Variants in ABLIM1 observed in about 807,000 individuals in gnomAD.
ABLIM1 encodes the protein actin binding LIM protein 1.
ABLIM1 carries 40 observed loss-of-function variants against 107.0 expected under a neutral mutation model. That is an observed-to-expected ratio of 0.37 (90% confidence interval 0.29 to 0.49). The LOEUF (loss-of-function observed/expected upper bound fraction) is 0.49. ABLIM1 is among the 20% of genes least tolerant of loss of function. The pLI is 0.97. For missense variants in ABLIM1, 857 were observed against 1,008.5 expected (o/e 0.85, Z 2.04); for synonymous variants, 357 against 357.3 (o/e 1.00, Z 0.01).
intron 1 of ABLIM1, among the ~76,000 whole-genome samples, chr10:114,620,537 G>A (rs1334688488): frequency 6.6e-6 from 1 of 152,060 alleles, no homozygotes; most frequent in Non-Finnish European, 1.5e-5. Flanking sequence ...AGCCTCCCGA[G>A]TAGCTGGAAT....
intron 6 of ABLIM1, among the ~76,000 whole-genome samples, chr10:114,494,649 C>T (rs1267385969): frequency 6.6e-6 from 1 of 152,198 alleles, no homozygotes; most frequent in African/African-American, 2.4e-5. Context: ...CTGATGTAAA[C>T]TCATATGTAC....
chr10:114,713,605 C>T (rs1047520154), intron 1 of ABLIM1, among the ~76,000 whole-genome samples: 1 of 152,174 alleles, frequency 6.6e-6, no homozygotes, highest in South Asian at 2.1e-4. Context: ...GAAAGCATAA[C>T]ATTTTCATTT....
intron 6 of ABLIM1, among the ~76,000 whole-genome samples, chr10:114,539,256 G>A (rs2066368524): frequency 6.6e-6 from 1 of 152,162 alleles, no homozygotes; most frequent in African/African-American, 2.4e-5. Flanking sequence ...TACTTAGGAG[G>A]GTGAGACAGG....
At chr10:114,632,881 G>T in intron 1 of ABLIM1, 1 of 689,872 alleles carries the variant, frequency 1.4e-6, no homozygotes, top group Non-Finnish European at 1.8e-6. Flanking sequence ...TGACCCCACA[G>T]CAGCAACTCC....
chr10:114,472,037 C>G (rs1050018354), intron 10 of ABLIM1, among the ~76,000 whole-genome samples: 3 of 151,680 alleles, frequency 2.0e-5, no homozygotes, highest in Non-Finnish European at 2.9e-5. Context: ...AGGCTCTGGT[C>G]CCGCAGCAGA....
chr10:114,543,947 C>A (rs2067002025), intron 6 of ABLIM1, among the ~76,000 whole-genome samples: 1 of 152,232 alleles, frequency 6.6e-6, no homozygotes, highest in Non-Finnish European at 1.5e-5. Context: ...AGCACACATC[C>A]AATGCTGGCC....
chr10:114,556,651 C>T (rs182212567), intron 4 of ABLIM1, among the ~76,000 whole-genome samples: 3 of 152,296 alleles, frequency 2.0e-5, no homozygotes. Context: ...CTCTCCTTGA[C>T]CAAAAAGTCC....
intron 20 of ABLIM1, 45 bp downstream of exon 20, chr10:114,440,037 G>A: frequency 6.2e-7 from 1 of 1,613,616 alleles, no homozygotes. Context: ...GAACATGGCT[G>A]TTCTATCGGT....
chr10:114,607,544 A>G (rs1591555275), intron 1 of ABLIM1, among the ~76,000 whole-genome samples: 1 of 152,242 alleles, frequency 6.6e-6, no homozygotes, highest in East Asian at 1.9e-4. Flanking sequence ...CCCCAGCCAC[A>G]TGAGCAAGGT....
In ABLIM1 at chr10:114,547,732, G is replaced by A. The variant is rs2067534876; in HGVS notation, c.718C>T (p.Leu240=). The stretch of plus-strand genomic sequence containing the variant: ...AAGTGCCACTGCTTATCCAGCGCCA[G>A]CAGCGCCTGCCCATTCTTGATATCT... ...GRDIKNGQAL[L]ALDKQWHLGC... is the part of the protein sequence containing the mutation. Residue 240 remains leucine (L), a synonymous_variant, in exon 5 of 23, where the codon CTG becomes TTG. Coordinates refer to ENST00000533213, the MANE Select transcript of ABLIM1 (RefSeq NM_002313.7). 1.2e-6 allele frequency: 2 copies of A among 1,612,934 alleles called. No homozygotes were observed. Among genetic ancestry groups the A allele is most frequent in the African/African-American group, 2.7e-5 (2 of 74,940 alleles).
At chr10:114,445,802 A>G (rs942260527) in intron 15 of ABLIM1, among the ~76,000 whole-genome samples, 1 of 152,000 alleles carries the variant, frequency 6.6e-6, no homozygotes, top group Non-Finnish European at 1.5e-5. Flanking sequence ...ACAAGGTTTC[A>G]CTCTGTTGCC....
chr10:114,619,233 G>A lies in ABLIM1; in HGVS notation c.245-17272C>T, dbSNP rs1480263640. Among the ~76,000 whole-genome samples, 1 of 135,906 alleles carries A rather than the reference G, an allele frequency of 7.4e-6. No individual in the cohort carries two copies. Among genetic ancestry groups the A allele is most frequent in the Non-Finnish European group, 1.6e-5 (1 of 64,318 alleles). The allele number at this position is 135,906 out of a possible 152,430, so 89.2% of individuals were successfully genotyped here. ...TTTTTTTGAGACAGTGTCTTGCTCTGTCACCCAGGCTGGAGCGCAGTGGCA... is the reference window on the plus strand; with the variant it reads ...TTTTTTTGAGACAGTGTCTTGCTCTATCACCCAGGCTGGAGCGCAGTGGCA... On this transcript the variant is annotated intron_variant, in intron 1 of 22. Coordinates refer to ENST00000533213, the MANE Select transcript of ABLIM1 (RefSeq NM_002313.7). This position sits in a 1 kb window ranked among gnomAD's most constrained non-coding sequence, Gnocchi z 4.1.
At chr10:114,497,512 T>C (rs970086972) in intron 6 of ABLIM1, among the ~76,000 whole-genome samples, 1 of 151,900 alleles carries the variant, frequency 6.6e-6, no homozygotes, top group African/African-American at 2.4e-5. Flanking sequence ...ACCCCGTTTC[T>C]ACTAAAAAAA....
chr10:114,439,066 C>T, intron 21 of ABLIM1, 110 bp downstream of exon 21: 2 of 1,344,784 alleles, frequency 1.5e-6, no homozygotes, highest in African/African-American at 2.9e-5. Flanking sequence ...ACATGGCTCA[C>T]CTGAACACAC....
intron 4 of ABLIM1, among the ~76,000 whole-genome samples, chr10:114,550,373 T>C (rs2067907620): frequency 1.2e-5 from 1 of 85,480 alleles, no homozygotes. Context: ...GTAAGAAAAC[T>C]GATAGTTTTT....
At chr10:114,604,614 A>G (rs778926090) in intron 1 of ABLIM1, among the ~76,000 whole-genome samples, 2 of 152,232 alleles carry the variant, frequency 1.3e-5, no homozygotes, top group Non-Finnish European at 2.9e-5. Context: ...ATTCTTACGC[A>G]TACTCCAATT....
intron 2 of ABLIM1, among the ~76,000 whole-genome samples, chr10:114,584,650 T>C (rs1350188442): frequency 6.6e-6 from 1 of 152,126 alleles, no homozygotes; most frequent in African/African-American, 2.4e-5. Context: ...TGAAAGCAAA[T>C]ACTAAGCCTC....
chr10:114,798,556 A>ACCCG, the ABLIM1 span, among the ~76,000 whole-genome samples: 1 of 125,996 alleles, frequency 7.9e-6, no homozygotes, highest in African/African-American at 3.3e-5. Context: ...AGATGATGAG[A>ACCCG]CCCCCCCCCC....
chr10:114,784,349 A>AAAAGAAAGAAAGAAAGAAAGAAAG, the ABLIM1 span, among the ~76,000 whole-genome samples: 178 of 131,940 alleles, frequency 1.3e-3, 11 homozygotes, highest in African/African-American at 6.2e-3. Flanking sequence ...CTGTCTCAAA[A>AAAAGAAAGAAAGAAAGAAAGAAAG]AAAGAAAGAA....
Sources: allele counts gnomAD v4.1 joint callset (sites outside exome capture counted in the v4.1 genomes callset), GRCh38; gene constraint gnomAD v4.1.1; non-coding constraint Gnocchi (gnomAD v3.1); transcripts MANE v1.5; gene names NCBI Gene and HGNC (gene_info 2026-07-23, HGNC 2026-07-21).